Variants in TRAPPC8 observed in about 807,000 individuals in gnomAD.
TRAPPC8 encodes the protein trafficking protein particle complex subunit 8.
TRAPPC8 carries 54 observed loss-of-function variants against 174.3 expected under a neutral mutation model. The observed-to-expected ratio is 0.31, with a 90% CI of 0.25 to 0.39. The LOEUF is 0.39. TRAPPC8 is among the 10% of genes least tolerant of loss of function. The pLI, the probability that TRAPPC8 is intolerant of heterozygous loss-of-function variation, is 1.00. For synonymous variants in TRAPPC8, 630 were observed against 579.9 expected (o/e 1.09, Z -1.24); for missense variants, 1,531 against 1,699.1 (o/e 0.90, Z 1.74).
At position 31,839,359 on chromosome 18, in the gene TRAPPC8, C is replaced by T. The variant is rs757861660; in HGVS notation, c.3936G>A (p.Thr1312=). 4 of 1,610,830 alleles carry T rather than the reference C, an allele frequency of 2.5e-6. No individual in the cohort carries two copies. The highest frequency in any genetic ancestry group is 1.1e-5 in the South Asian group (1 of 90,274). ...TAAATGATTCTGGGTAGTGAAGACT[C>T]GTTTTAATGAGACTAGAAAGCTGCT... The part of the protein sequence containing the change: ...SVEQLSSLIK[T]SLHYPESFNH... Residue 1312 remains threonine, a synonymous_variant, in exon 27 of 29, where the codon ACG becomes ACA. Coordinates refer to ENST00000283351, the MANE Select transcript of TRAPPC8 (RefSeq NM_014939.5).
In TRAPPC8 at chr18:31,897,770, T is replaced by TACACAG. The variant is rs770472151; in HGVS notation, c.1596+10_1596+15dup. On this transcript the variant is annotated intron_variant, in intron 11 of 28. Coordinates refer to ENST00000283351, the MANE Select transcript of TRAPPC8 (RefSeq NM_014939.5). ...GAACAATGCTAATTAAAGCAAATAC[T>TACACAG]ACACAGTTTCAGTACCTCACTGGTC... 6.5e-7 allele frequency: 1 copy of TACACAG among 1,535,608 alleles called. No individual in the cohort carries two copies. The highest frequency in any genetic ancestry group is 1.3e-5 in the South Asian group (1 of 77,514).
chr18:31,858,322 T>C (rs967923905), intron 19 of TRAPPC8, among the ~76,000 whole-genome samples: 4 of 152,186 alleles, frequency 2.6e-5, no homozygotes, highest in Non-Finnish European at 5.9e-5. Context: ...GAAGTAAATA[T>C]CAGTTTTATA....
chr18:31,904,897 G>C (rs1213299205), intron 9 of TRAPPC8, among the ~76,000 whole-genome samples: 2 of 152,010 alleles, frequency 1.3e-5, no homozygotes, highest in Admixed American at 6.6e-5. Flanking sequence ...GGCAGTGGTG[G>C]CACATGCTTG....
chr18:31,896,915 T>C (rs1053933515), intron 11 of TRAPPC8, among the ~76,000 whole-genome samples: 5 of 152,194 alleles, frequency 3.3e-5, no homozygotes, highest in African/African-American at 1.2e-4. Flanking sequence ...TGAGCCATCA[T>C]GCCTGGCCAC....
At chr18:31,878,718 T>C (rs1426505713) in intron 12 of TRAPPC8, among the ~76,000 whole-genome samples, 3 of 152,152 alleles carry the variant, frequency 2.0e-5, no homozygotes. Context: ...GCATATGCTA[T>C]CTACAAGAGA....
rs148633413 is a variant in TRAPPC8, at chr18:31,923,880, C to T, written c.353-6213G>A. Among the ~76,000 whole-genome samples the T allele has an allele frequency of 1.9e-4, 29 of 152,324 alleles. No individual in the cohort carries two copies. In the East Asian group the frequency reaches 5.2e-3, roughly 27 times the overall value. On this transcript the variant is annotated intron_variant, in intron 2 of 28. Transcript: ENST00000283351. ...AAAATAATAAGGCCGGGTGTGGTGG[C>T]TCATGCCTGTAATCCCAGCACTTTG...
intron 2 of TRAPPC8, among the ~76,000 whole-genome samples, chr18:31,929,238 G>C (rs1346715641): frequency 6.6e-6 from 1 of 151,626 alleles, no homozygotes; most frequent in Admixed American, 6.6e-5. Flanking sequence ...GTTTTCAGAG[G>C]TGGAAACAGA....
intron 12 of TRAPPC8, among the ~76,000 whole-genome samples, chr18:31,876,513 G>A (rs202188512): frequency 0.011 from 752 of 66,290 alleles, 1 homozygote; most frequent in African/African-American, 0.021. Flanking sequence ...AAAAAAAAAA[G>A]ATCACTTACT....
chr18:31,847,761 A>G (rs1319947276), intron 25 of TRAPPC8, among the ~76,000 whole-genome samples: 2 of 152,136 alleles, frequency 1.3e-5, no homozygotes, highest in Non-Finnish European at 2.9e-5. Context: ...AGGGTCTGAG[A>G]CTTGTCAGAT....
intron 2 of TRAPPC8, among the ~76,000 whole-genome samples, chr18:31,930,474 A>T (rs2037802327): frequency 6.6e-6 from 1 of 152,186 alleles, no homozygotes; most frequent in South Asian, 2.1e-4. Flanking sequence ...TTAGATTATA[A>T]ACTATCCTGG....
intron 2 of TRAPPC8, among the ~76,000 whole-genome samples, chr18:31,930,819 G>C (rs994944123): frequency 3.9e-5 from 6 of 151,914 alleles, no homozygotes; most frequent in Non-Finnish European, 8.8e-5. Flanking sequence ...TTGAGGTCAG[G>C]AGTTTAAGAC....
intron 19 of TRAPPC8, among the ~76,000 whole-genome samples, chr18:31,859,861 C>A (rs1598620199): frequency 6.6e-6 from 1 of 151,992 alleles, no homozygotes; most frequent in Non-Finnish European, 1.5e-5. Context: ...ACTAAAAATA[C>A]AAAAATTAGC....
intron 12 of TRAPPC8, among the ~76,000 whole-genome samples, chr18:31,889,910 G>A (rs2035881551): frequency 6.6e-6 from 1 of 152,070 alleles, no homozygotes; most frequent in Non-Finnish European, 1.5e-5. Context: ...GTAAAACACT[G>A]GGATGCTTTG....
intron 10 of TRAPPC8, among the ~76,000 whole-genome samples, chr18:31,900,392 C>T (rs1271653092): frequency 6.6e-6 from 1 of 152,212 alleles, no homozygotes; most frequent in Non-Finnish European, 1.5e-5. Flanking sequence ...TAATGCACAT[C>T]TAAAACATTA....
chr18:31,869,627 A>G (rs2034744782), intron 16 of TRAPPC8, among the ~76,000 whole-genome samples: 1 of 152,256 alleles, frequency 6.6e-6, no homozygotes, highest in African/African-American at 2.4e-5. Context: ...AAAAACTATC[A>G]AAGATAGTAA....
In TRAPPC8 at chr18:31,917,794, C is replaced by A. The variant is rs1390740223; in HGVS notation, c.353-127G>T. 1.1e-5 allele frequency: 8 copies of A among 752,368 alleles called. No homozygotes were observed. The East Asian group carries it at 2.1e-4, about 20-fold the overall frequency. 46.6% of individuals were successfully genotyped at this position (752,368 alleles called of 1,614,324 possible). On this transcript the variant is annotated intron_variant, in intron 2 of 28. Coordinates refer to ENST00000283351, the MANE Select transcript of TRAPPC8 (RefSeq NM_014939.5). ...TTTCTAACAGTAAACAAGCATTTTT[C>A]ACCTGTGCTTTCAGATGTACATGTG...
intron 14 of TRAPPC8, among the ~76,000 whole-genome samples, chr18:31,872,332 C>A (rs553898304): frequency 6.6e-6 from 1 of 152,192 alleles, no homozygotes; most frequent in South Asian, 2.1e-4. Flanking sequence ...AAAAGTCTTA[C>A]AAGAACAGCA....
In TRAPPC8 at chr18:31,931,528, A is replaced by G; in HGVS notation, c.158-5T>C. 6.5e-7 allele frequency: 1 copy of G among 1,531,778 alleles called. No homozygotes were observed. The highest frequency in any genetic ancestry group is 8.8e-7 in the Non-Finnish European group (1 of 1,140,398). 94.9% of individuals were successfully genotyped at this position (1,531,778 alleles called of 1,614,324 possible). ...TATTAGGATCTCTCATGTGAACTTT[A>G]AAGAAAAAAAGAAAAAAACTTGAAA... On this transcript the variant is annotated splice_polypyrimidine_tract_variant and splice_region_variant and intron_variant, in intron 1 of 28. Transcript: ENST00000283351.
Position 31,890,721 on chromosome 18 carries a change from G to A in TRAPPC8, c.1728+14C>T, listed in dbSNP as rs373464065. 1.3e-6 allele frequency: 2 copies of A among 1,597,316 alleles called. No homozygotes were observed. Among genetic ancestry groups the A allele is most frequent in the Admixed American group, 1.8e-5 (1 of 56,536 alleles). On this transcript the variant is annotated intron_variant, in intron 12 of 28. Transcript: ENST00000283351. ...ATAAATAGCAACTTTTCATTGTAAA[G>A]CAAATGCACTCACCTGCCCTGCTTT... is the stretch of plus-strand genomic sequence containing the variant.
Sources: gnomAD v4.1 joint callset for allele counts (sites outside exome capture counted in the v4.1 genomes callset) on GRCh38, gnomAD v4.1.1 for gene constraint, MANE v1.5 for transcripts, NCBI Gene and HGNC (gene_info 2026-07-23, HGNC 2026-07-21) for gene names.